Variants in VRK1 observed in about 807,000 individuals in gnomAD.
VRK1 encodes the protein VRK serine/threonine kinase 1, also known as serine/threonine-protein kinase VRK1.
A neutral mutation model predicts 57.1 loss-of-function variants in VRK1; 33 were observed. The ratio of observed to expected loss-of-function variants is 0.58; its 90% CI spans 0.44 to 0.77. The LOEUF is 0.77. Ranked by LOEUF, VRK1 falls within the 30% of genes least tolerant of loss-of-function variation. The pLI, the probability that VRK1 is intolerant of heterozygous loss-of-function variation, is 0.00. For synonymous variants in VRK1, 137 were observed against 147.8 expected (o/e 0.93, Z 0.53); for missense variants, 413 against 477.3 (o/e 0.87, Z 1.25).
chr14:96,850,922 G>C (rs1047551779), intron 5 of VRK1, among the ~76,000 whole-genome samples: 3 of 152,098 alleles, frequency 2.0e-5, no homozygotes, highest in African/African-American at 4.8e-5. Context: ...TCTGATTTCA[G>C]ATTTTCAGAT....
At position 96,833,740 on chromosome 14, in the gene VRK1, C is replaced by T. The variant is rs2139749352; in HGVS notation, c.160+109C>T. The T allele has an allele frequency of 2.6e-6, 4 of 1,517,150 alleles. No homozygotes were observed. In the East Asian group the frequency reaches 6.9e-5, roughly 26 times the overall value. 94.0% of individuals were successfully genotyped at this position (1,517,150 alleles called of 1,614,324 possible). A position where few individuals can be genotyped will look rare whatever the true frequency, so the allele number is the denominator to read the frequency against. ...TGGGATGTTCCTAATAATCTGCAGTCAACTTAATAGTTTCTGATTAAGCAA... is the reference window on the plus strand; with the variant it reads ...TGGGATGTTCCTAATAATCTGCAGTTAACTTAATAGTTTCTGATTAAGCAA... On this transcript the variant is annotated intron_variant, in intron 2 of 12. Transcript: ENST00000216639.
chr14:96,828,634 A>G (rs1340860826), intron 1 of VRK1, among the ~76,000 whole-genome samples: 1 of 152,094 alleles, frequency 6.6e-6, no homozygotes, highest in Non-Finnish European at 1.5e-5. Context: ...ATATTAGCAA[A>G]TAGAATTCAG....
chr14:96,853,634 G>A (rs1006214226), intron 7 of VRK1, among the ~76,000 whole-genome samples: 1 of 151,568 alleles, frequency 6.6e-6, no homozygotes, highest in African/African-American at 2.4e-5. Context: ...CTTAGTGTTT[G>A]GAATTCAAAT....
At chr14:96,869,691 C>T (rs1957137) in intron 11 of VRK1, among the ~76,000 whole-genome samples, 93,584 of 151,846 alleles carry the variant, frequency 0.62, 29,611 homozygotes, top group African/African-American at 0.66. Context: ...TCCCTTTTTT[C>T]TCTTAAGCTA....
chr14:96,805,344 C>T (rs2139681863), intron 1 of VRK1, among the ~76,000 whole-genome samples: 1 of 152,230 alleles, frequency 6.6e-6, no homozygotes. Flanking sequence ...CACTAGAAAC[C>T]TAGATGTAGT....
rs568830902 is a variant in VRK1 at position 96,833,705 on chromosome 14, T to G, written c.160+74T>G. ...TCTTATGAAAATGGTTTCTCATTTA[T>G]GAGCTGTTATGGGATGTTCCTAATA... On this transcript the variant is annotated intron_variant, in intron 2 of 12. Coordinates refer to ENST00000216639, the MANE Select transcript of VRK1 (RefSeq NM_003384.3). The G allele has an allele frequency of 1.2e-4, 198 of 1,598,988 alleles. 1 individual carries two copies. The African/African-American group carries it at 2.4e-3, about 19-fold the overall frequency.
At chr14:96,828,263 T>A (rs1886876394) in intron 1 of VRK1, among the ~76,000 whole-genome samples, 1 of 152,186 alleles carries the variant, frequency 6.6e-6, no homozygotes, top group African/African-American at 2.4e-5. Flanking sequence ...GTTGAATTGC[T>A]GGGTCGGTTA....
intron 1 of VRK1, among the ~76,000 whole-genome samples, chr14:96,809,483 T>A (rs1401588443): frequency 6.6e-6 from 1 of 152,176 alleles, no homozygotes; most frequent in Non-Finnish European, 1.5e-5. Flanking sequence ...TGGCATACTT[T>A]TATATTCATT....
chr14:96,860,517 A>G lies in VRK1; in HGVS notation c.890-40A>G, dbSNP rs754187101. On this transcript the variant is annotated intron_variant, in intron 10 of 12. Coordinates refer to ENST00000216639, the MANE Select transcript of VRK1 (RefSeq NM_003384.3). ...TATTTTTTTTAGAGGTTAGAGAGAAATATATTGAAAGTTATAAAATGATTG... is the reference window on the plus strand; with the variant it reads ...TATTTTTTTTAGAGGTTAGAGAGAAGTATATTGAAAGTTATAAAATGATTG... The G allele has an allele frequency of 1.1e-5, 17 of 1,573,060 alleles. No homozygotes were observed. The South Asian group carries it at 1.6e-4, about 15-fold the overall frequency.
intron 4 of VRK1, among the ~76,000 whole-genome samples, chr14:96,846,654 C>G (rs572948661): frequency 1.3e-5 from 2 of 151,156 alleles, no homozygotes; most frequent in Non-Finnish European, 3.0e-5. Flanking sequence ...GATAGTCCAC[C>G]CCCGTATTCT....
intron 11 of VRK1, among the ~76,000 whole-genome samples, chr14:96,861,685 A>G (rs1236290736): frequency 2.0e-5 from 3 of 152,196 alleles, no homozygotes; most frequent in Non-Finnish European, 4.4e-5. Context: ...CCAAAAATTT[A>G]ACTTTGCCAA....
chr14:96,808,511 A>AT (rs970625625), intron 1 of VRK1, among the ~76,000 whole-genome samples: 1 of 152,168 alleles, frequency 6.6e-6, no homozygotes, highest in African/African-American at 2.4e-5. Context: ...CAAGATACTC[A>AT]TTTTCTAGCC....
rs552652579 is a variant in VRK1 at position 96,846,755 on chromosome 14, T to TA, written c.287-496dup. On this transcript the variant is annotated intron_variant, in intron 4 of 12. Transcript: ENST00000216639. ...ACAATAAAAAATAACAATTCAATAA[T>TA]AAAAAATAATACAAATAAAAAACTA... Among the ~76,000 whole-genome samples, 216 of 150,974 alleles carry TA rather than the reference T, an allele frequency of 1.4e-3. 1 individual carries two copies. The highest frequency in any genetic ancestry group is 0.013 in the Admixed American group (199 of 15,206).
chr14:96,877,676 C>A, intron 12 of VRK1: 1 of 1,275,840 alleles, frequency 7.8e-7, no homozygotes, highest in Non-Finnish European at 1.0e-6. Context: ...TCAGAAAGAT[C>A]CTGCATTGTT....
intron 3 of VRK1, among the ~76,000 whole-genome samples, chr14:96,845,194 T>A (rs1887631260): frequency 1.2e-5 from 1 of 85,966 alleles, no homozygotes; most frequent in African/African-American, 4.1e-5. Context: ...CATTTGAAGT[T>A]TTCACTGCTT....
At chr14:96,862,635 C>T (rs1384736146) in intron 11 of VRK1, among the ~76,000 whole-genome samples, 1 of 151,080 alleles carries the variant, frequency 6.6e-6, no homozygotes, top group East Asian at 2.0e-4. Flanking sequence ...CAGATAAAAG[C>T]AGAGCTCTGC....
chr14:96,839,564 T>G (rs557098812), intron 3 of VRK1, among the ~76,000 whole-genome samples: 1 of 152,294 alleles, frequency 6.6e-6, no homozygotes, highest in East Asian at 1.9e-4. Flanking sequence ...AGATGTGACT[T>G]ATAGTTTCAG....
Position 96,846,209 on chromosome 14 carries a change from GT to G in VRK1, c.286+51del, listed in dbSNP as rs5810782. On this transcript the variant is annotated intron_variant, in intron 4 of 12. Coordinates refer to ENST00000216639, the MANE Select transcript of VRK1 (RefSeq NM_003384.3). ...TACGTTTACACTTTTAAAATGACCA[GT>G]TTTTTGTTTTAAGCCAAGACCTAGA... is the stretch of plus-strand genomic sequence containing the variant. 7 of 1,587,372 alleles carry G rather than the reference GT, an allele frequency of 4.4e-6. No homozygotes were observed. In the South Asian group the frequency reaches 5.6e-5, roughly 13 times the overall value.
intron 2 of VRK1, 97 bp from the exon 3 acceptor site, chr14:96,837,665 G>C: frequency 1.6e-6 from 1 of 642,378 alleles, no homozygotes; most frequent in Non-Finnish European, 2.4e-6. Context: ...GGGAACTGAA[G>C]TGTATTCTAT....
Sources: allele counts gnomAD v4.1 joint callset (sites outside exome capture counted in the v4.1 genomes callset), GRCh38; gene constraint gnomAD v4.1.1; transcripts MANE v1.5; gene names NCBI Gene and HGNC (gene_info 2026-07-23, HGNC 2026-07-21).